Variants in VPS53 observed in about 807,000 individuals in gnomAD.
The protein encoded by VPS53 is VPS53 subunit of GARP complex.
In VPS53, 70 loss-of-function variants were observed where a neutral mutation model predicts 107.0. The observed-to-expected ratio is 0.65, with a 90% CI of 0.54 to 0.80. The LOEUF is 0.80. Among genes scored for constraint, VPS53 ranks in the 30% least tolerant of loss-of-function variants. The pLI is 0.00. For synonymous variants in VPS53, 409 were observed against 393.3 expected, an observed-to-expected ratio of 1.04 and a Z score of -0.47; for missense variants, 917 against 1,049.4, an observed-to-expected ratio of 0.87 and a Z score of 1.74.
chr17:660,763 A>T (rs1293568737), intron 5 of VPS53, among the ~76,000 whole-genome samples: 1 of 152,208 alleles, frequency 6.6e-6, no homozygotes, highest in East Asian at 1.9e-4. Flanking sequence ...GGTCCCTAGG[A>T]CTATGCTCAG....
rs1971149609 is a variant in VPS53 at position 655,444 on chromosome 17, ACT to A, written c.488+392_488+393del. On this transcript the variant is annotated intron_variant, in intron 6 of 21. Transcript: ENST00000437048. ...CAGGGAGTGAATATGGGCCTGTGTC[ACT>A]CTGTCTGCCTGGAGTGAATATGGGC... Among the ~76,000 whole-genome samples the A allele has an allele frequency of 4.0e-5, 6 of 151,090 alleles. No homozygotes were observed. In the South Asian group the frequency reaches 1.0e-3, roughly 26 times the overall value.
At chr17:593,774 A>T (rs1967806410) in intron 12 of VPS53, among the ~76,000 whole-genome samples, 1 of 152,204 alleles carries the variant, frequency 6.6e-6, no homozygotes, top group African/African-American at 2.4e-5. Flanking sequence ...ATCTAGAACT[A>T]GAAATACCAT....
chr17:711,799 C>T (rs952751583), intron 1 of VPS53, among the ~76,000 whole-genome samples: 2 of 150,660 alleles, frequency 1.3e-5, no homozygotes, highest in African/African-American at 4.9e-5. Flanking sequence ...GAGATGCATA[C>T]GTGGTACTTC....
In VPS53 at chr17:518,657, C is replaced by T. The variant is rs1249675295; in HGVS notation, c.*471G>A. 6.7e-6 allele frequency: 1 copy of T among 149,906 alleles called. No homozygotes were observed. Among genetic ancestry groups the T allele is most frequent in the Non-Finnish European group, 1.5e-5 (1 of 68,228 alleles). The allele number at this position is 149,906 out of a possible 1,614,324, so 9.3% of individuals were successfully genotyped here. A position where few individuals can be genotyped will look rare whatever the true frequency, so the allele number is the denominator to read the frequency against. On this transcript the variant is annotated 3_prime_UTR_variant, in exon 22 of 22. Transcript: ENST00000437048. Reference sequence around the variant, plus strand: ...GGTGGCTCACGCCTGTAATCCGATACTCAGGAGGCTGAGGCAGGAGAATTG... The same window carrying T: ...GGTGGCTCACGCCTGTAATCCGATATTCAGGAGGCTGAGGCAGGAGAATTG...
chr17:703,406 C>G (rs955854640), intron 2 of VPS53, among the ~76,000 whole-genome samples: 11 of 152,190 alleles, frequency 7.2e-5, no homozygotes, highest in African/African-American at 2.7e-4. Context: ...TCCTGCACCC[C>G]AAGACACCGG....
At chr17:700,420 G>GGCTAGGAACAAAAA (rs1973154533) in intron 2 of VPS53, among the ~76,000 whole-genome samples, 22 of 152,032 alleles carry the variant, frequency 1.4e-4, no homozygotes, top group Admixed American at 1.0e-3. Context: ...GCTTGGTGGT[G>GGCTAGGAACAAAAA]GGCACCTGTT....
intron 17 of VPS53, chr17:539,212 G>C (rs886783196): frequency 1.3e-5 from 2 of 152,230 alleles, no homozygotes; most frequent in South Asian, 2.1e-4. Context: ...CATGAAAGAA[G>C]GTGGCGACGT....
At chr17:615,935 A>G (rs1969115239) in intron 11 of VPS53, 2 of 152,352 alleles carry the variant, frequency 1.3e-5, no homozygotes, top group African/African-American at 4.8e-5. Flanking sequence ...GGTCCCTGCC[A>G]CTGAGGGTCG....
intron 4 of VPS53, among the ~76,000 whole-genome samples, chr17:696,791 CTTTTT>C (rs67948585): frequency 8.8e-6 from 1 of 113,800 alleles, no homozygotes; most frequent in East Asian, 2.5e-4. Flanking sequence ...ACTTATAAAA[CTTTTT>C]TTTTTTTTTT....
rs1445477557 is a variant in VPS53 at position 520,826 on chromosome 17, C to G, written c.2223+775G>C. 1.3e-5 allele frequency among the ~76,000 whole-genome samples: 2 copies of G among 151,960 alleles called. No individual in the cohort carries two copies. The highest frequency in any genetic ancestry group is 4.8e-5 in the African/African-American group (2 of 41,356). On this transcript the variant is annotated intron_variant, in intron 20 of 21. Coordinates refer to ENST00000437048, the MANE Select transcript of VPS53 (RefSeq NM_001128159.3). The surrounding 1 kb of genome is among the most constrained non-coding windows in gnomAD (Gnocchi z 4.4). ...ACATGAGCTGCTTCACCCTCACCTA[C>G]ATGAGCTGCTTCACCCTCACCTACA... is the stretch of plus-strand genomic sequence containing the variant.
intron 7 of VPS53, among the ~76,000 whole-genome samples, chr17:652,709 T>C (rs1408529305): frequency 6.6e-6 from 1 of 152,346 alleles, no homozygotes; most frequent in South Asian, 2.1e-4. Context: ...CCAGGCCAAA[T>C]TATACGTGCA....
At chr17:553,574 CTTT>C (rs35437010) in intron 15 of VPS53, 112 bp from the exon 16 acceptor site, 6,112 of 543,112 alleles carry the variant, frequency 0.011, no homozygotes, top group East Asian at 0.013. Flanking sequence ...ATTCCATACA[CTTT>C]TTTTTTTTTT....
chr17:668,464 T>C (rs1199517477), intron 4 of VPS53, among the ~76,000 whole-genome samples: 1 of 152,236 alleles, frequency 6.6e-6, no homozygotes, highest in Non-Finnish European at 1.5e-5. Context: ...AAATCACAGC[T>C]TCATGCTTTC....
chr17:634,927 G>T (rs1970128987), intron 7 of VPS53, among the ~76,000 whole-genome samples: 1 of 151,094 alleles, frequency 6.6e-6, no homozygotes, highest in Admixed American at 6.6e-5. Context: ...GGGGTGGCTG[G>T]GTCAAATGGT....
intron 18 of VPS53, among the ~76,000 whole-genome samples, chr17:535,985 C>A (rs1910028863): frequency 6.6e-6 from 1 of 152,138 alleles, no homozygotes; most frequent in African/African-American, 2.4e-5. Flanking sequence ...TTGGCCTGGG[C>A]TGACCCTCCT....
chr17:558,991 G>T (rs1242562558), intron 15 of VPS53, among the ~76,000 whole-genome samples: 1 of 151,988 alleles, frequency 6.6e-6, no homozygotes, highest in African/African-American at 2.4e-5. Context: ...GCAAGACTCT[G>T]TCTCAAAATA....
chr17:535,245 C>T (rs991429029), intron 18 of VPS53, among the ~76,000 whole-genome samples: 9 of 152,200 alleles, frequency 5.9e-5, no homozygotes, highest in African/African-American at 1.2e-4. Flanking sequence ...CAATTCCCAG[C>T]GCACTCAACC....
intron 3 of VPS53, 98 bp from the exon 4 acceptor site, chr17:697,582 C>T: frequency 1.0e-6 from 1 of 958,772 alleles, no homozygotes; most frequent in South Asian, 1.4e-5. Flanking sequence ...TCAACTTCTG[C>T]AGACTGCACC....
At chr17:629,682 G>A (rs1272398122) in intron 8 of VPS53, among the ~76,000 whole-genome samples, 1 of 151,714 alleles carries the variant, frequency 6.6e-6, no homozygotes, top group South Asian at 2.1e-4. Flanking sequence ...AGAATGGCAT[G>A]AACTCGGAAG....
Sources: allele counts gnomAD v4.1 joint callset (sites outside exome capture counted in the v4.1 genomes callset), GRCh38; gene constraint gnomAD v4.1.1; non-coding constraint Gnocchi (gnomAD v3.1); transcripts MANE v1.5; gene names NCBI Gene and HGNC (gene_info 2026-07-23, HGNC 2026-07-21).